Variants in GRID2 observed in about 807,000 individuals in gnomAD.
The protein encoded by GRID2 is glutamate ionotropic receptor delta type subunit 2.
A neutral mutation model predicts 114.8 loss-of-function variants in GRID2; 33 were observed. The ratio of observed to expected loss-of-function variants is 0.29; its 90% CI spans 0.22 to 0.38. The LOEUF is 0.38. Ranked by LOEUF, GRID2 falls within the 10% of genes least tolerant of loss-of-function variation. The pLI is 1.00. For synonymous variants in GRID2, 505 were observed against 449.9 expected, an observed-to-expected ratio of 1.12 and a Z score of -1.55; for missense variants, 1,184 against 1,257.7, an observed-to-expected ratio of 0.94 and a Z score of 0.89.
chr4:93,703,026 A>T (rs1727644928), intron 14 of GRID2, among the ~76,000 whole-genome samples: 1 of 151,998 alleles, frequency 6.6e-6, no homozygotes, highest in African/African-American at 2.4e-5. Context: ...TGAAGGAAAA[A>T]AGCTATACAT....
At chr4:92,519,430 C>G (rs1579507019) in intron 1 of GRID2, among the ~76,000 whole-genome samples, 1 of 151,616 alleles carries the variant, frequency 6.6e-6, no homozygotes, top group East Asian at 2.0e-4. Flanking sequence ...TTCTCAGAAT[C>G]TAAGTACTAA....
At chr4:92,972,727 G>T (rs1298842075) in intron 2 of GRID2, among the ~76,000 whole-genome samples, 2 of 151,798 alleles carry the variant, frequency 1.3e-5, no homozygotes, top group Admixed American at 6.6e-5. Flanking sequence ...AGTACCCACT[G>T]GTTACTTTTC....
chr4:92,607,868 A>G (rs1332262078), intron 2 of GRID2, among the ~76,000 whole-genome samples: 1 of 151,914 alleles, frequency 6.6e-6, no homozygotes, highest in Non-Finnish European at 1.5e-5. Flanking sequence ...ATGAAGATGA[A>G]AAATGTGTGC....
At chr4:93,366,515 T>G (rs1448870839) in intron 8 of GRID2, among the ~76,000 whole-genome samples, 1 of 152,128 alleles carries the variant, frequency 6.6e-6, no homozygotes, top group Non-Finnish European at 1.5e-5. Context: ...TGAAACTTCA[T>G]TAGCAATTTT....
intron 2 of GRID2, among the ~76,000 whole-genome samples, chr4:93,040,715 G>A (rs768276542): frequency 1.3e-5 from 2 of 152,080 alleles, no homozygotes; most frequent in Non-Finnish European, 2.9e-5. Flanking sequence ...CTCTTGAAAT[G>A]CCCAATACTT....
At chr4:92,485,119 A>C (rs1722800101) in intron 1 of GRID2, among the ~76,000 whole-genome samples, 1 of 150,948 alleles carries the variant, frequency 6.6e-6, no homozygotes, top group Non-Finnish European at 1.5e-5. Flanking sequence ...TAATAACTTG[A>C]GGACGTTTAT....
intron 1 of GRID2, among the ~76,000 whole-genome samples, chr4:92,342,759 A>G (rs1727565492): frequency 6.6e-6 from 1 of 152,214 alleles, no homozygotes; most frequent in South Asian, 2.1e-4. Flanking sequence ...TTTTCAGGCA[A>G]TCTGTTCATT....
intron 5 of GRID2, among the ~76,000 whole-genome samples, chr4:93,212,058 G>GAA (rs370898330): frequency 6.9e-6 from 1 of 144,828 alleles, no homozygotes; most frequent in Non-Finnish European, 1.5e-5. Flanking sequence ...TTCTATAAAA[G>GAA]AAAAAAAAAA....
At chr4:92,420,014 A>C (rs1320542239) in intron 1 of GRID2, among the ~76,000 whole-genome samples, 2 of 152,156 alleles carry the variant, frequency 1.3e-5, no homozygotes, top group Admixed American at 1.3e-4. Context: ...GAATTAGAAC[A>C]AATATATAGT....
chr4:92,936,515 T>A (rs538598430), intron 2 of GRID2, among the ~76,000 whole-genome samples: 19 of 146,562 alleles, frequency 1.3e-4, no homozygotes, highest in African/African-American at 4.6e-4. Flanking sequence ...AATTTTTTCA[T>A]GAAATTATTA....
intron 2 of GRID2, among the ~76,000 whole-genome samples, chr4:92,669,327 C>T (rs1319758218): frequency 2.0e-5 from 3 of 151,796 alleles, no homozygotes; most frequent in Non-Finnish European, 4.4e-5. Flanking sequence ...CTACTAACAA[C>T]CCTAAAATAT....
chr4:92,994,328 TTTAAG>T (rs1204249815), intron 2 of GRID2, among the ~76,000 whole-genome samples: 14 of 152,074 alleles, frequency 9.2e-5, no homozygotes, highest in African/African-American at 3.4e-4. Context: ...TGTTTCGCAC[TTTAAG>T]TTATTGTTTT....
chr4:93,021,297 T>C (rs930794917), intron 2 of GRID2, among the ~76,000 whole-genome samples: 1 of 151,228 alleles, frequency 6.6e-6, no homozygotes, highest in African/African-American at 2.4e-5. Flanking sequence ...TAGATAACTG[T>C]CTAAAACTAC....
At chr4:93,106,134 T>C (rs950264229) in intron 3 of GRID2, among the ~76,000 whole-genome samples, 7 of 152,110 alleles carry the variant, frequency 4.6e-5, no homozygotes, top group African/African-American at 1.7e-4. Flanking sequence ...TACAGAAACT[T>C]CTTTTAGCTT....
chr4:92,816,124 T>C (rs1178988776), intron 2 of GRID2, among the ~76,000 whole-genome samples: 3 of 151,482 alleles, frequency 2.0e-5, no homozygotes, highest in Admixed American at 1.3e-4. Context: ...GAGATCAGCC[T>C]AGGCAACATG....
At chr4:93,768,824 C>G (rs1733884782) in intron 14 of GRID2, among the ~76,000 whole-genome samples, 1 of 152,098 alleles carries the variant, frequency 6.6e-6, no homozygotes, top group Admixed American at 6.6e-5. Context: ...AGGAAAGGGA[C>G]ACAGAACTAC....
At chr4:92,536,499 C>T (rs1725641229) in intron 1 of GRID2, among the ~76,000 whole-genome samples, 1 of 152,128 alleles carries the variant, frequency 6.6e-6, no homozygotes, top group Admixed American at 6.6e-5. Context: ...ATAACTCTCC[C>T]ATATTTTTTA....
At chr4:93,147,950 A>G (rs1241108860) in intron 4 of GRID2, among the ~76,000 whole-genome samples, 15 of 152,214 alleles carry the variant, frequency 9.9e-5, no homozygotes. Context: ...ATTTCTCTAT[A>G]GAAGGATTAT....
At chr4:93,287,358 A>G (rs1561087845) in intron 8 of GRID2, among the ~76,000 whole-genome samples, 1 of 152,200 alleles carries the variant, frequency 6.6e-6, no homozygotes, top group Non-Finnish European at 1.5e-5. Context: ...GTGATAGTAG[A>G]AGAACTGGGA....
Sources: allele counts gnomAD v4.1 joint callset (sites outside exome capture counted in the v4.1 genomes callset), GRCh38; gene constraint gnomAD v4.1.1; transcripts MANE v1.5; gene names NCBI Gene and HGNC (gene_info 2026-07-23, HGNC 2026-07-21).